ELMO1: variants seen among roughly 807,000 people sequenced by gnomAD.
ELMO1 encodes engulfment and cell motility 1.
A neutral mutation model predicts 98.9 loss-of-function variants in ELMO1; 26 were observed. That is an observed-to-expected ratio of 0.26 (90% confidence interval 0.19 to 0.36). The LOEUF is 0.36. Ranked by LOEUF, ELMO1 falls within the 10% of genes least tolerant of loss-of-function variation. The probability of loss-of-function intolerance (pLI) is 1.00; values close to 1 mark genes in which losing one functional copy is unlikely to be tolerated. For synonymous variants in ELMO1, 346 were observed against 346.0 expected (o/e 1.00, Z 0.00); for missense variants, 627 against 935.2 (o/e 0.67, Z 4.30).
At chr7:37,058,751 C>T (rs960294991) in intron 15 of ELMO1, among the ~76,000 whole-genome samples, 1 of 152,106 alleles carries the variant, frequency 6.6e-6, no homozygotes, top group African/African-American at 2.4e-5. Flanking sequence ...AACCAACTGG[C>T]CCTGATTCCA....
At chr7:36,935,073 C>T (rs6947081) in intron 16 of ELMO1, among the ~76,000 whole-genome samples, 62,071 of 152,072 alleles carry the variant, frequency 0.41, 12,934 homozygotes, top group Non-Finnish European at 0.44. Flanking sequence ...AACCCCATCT[C>T]GAATTGTAGC....
chr7:37,325,682 T>C (rs899508078), intron 2 of ELMO1, among the ~76,000 whole-genome samples: 8 of 152,224 alleles, frequency 5.3e-5, no homozygotes, highest in African/African-American at 1.9e-4. Context: ...AGCACAGCAC[T>C]TGGGATTTTA....
chr7:37,389,784 C>G (rs1583670983), intron 1 of ELMO1, among the ~76,000 whole-genome samples: 1 of 151,732 alleles, frequency 6.6e-6, no homozygotes, highest in Admixed American at 6.6e-5. Context: ...CCACCTCTAC[C>G]TAGGGGTATG....
intron 16 of ELMO1, chr7:36,919,264 A>G (rs1784950127): frequency 1.2e-5 from 5 of 424,304 alleles, no homozygotes; most frequent in Admixed American, 1.1e-4. Context: ...ATAATCGTTC[A>G]TGTCTATTAC....
chr7:37,044,771 A>G (rs988839226), intron 15 of ELMO1, among the ~76,000 whole-genome samples: 4 of 152,144 alleles, frequency 2.6e-5, no homozygotes, highest in African/African-American at 9.7e-5. Flanking sequence ...TCTCACAGAA[A>G]TCTCAAATGT....
At chr7:36,918,386 A>G (rs1225249077) in intron 16 of ELMO1, among the ~76,000 whole-genome samples, 1 of 152,176 alleles carries the variant, frequency 6.6e-6, no homozygotes, top group African/African-American at 2.4e-5. Flanking sequence ...CTTCTCTAAT[A>G]ATTTTATAAG....
intron 18 of ELMO1, among the ~76,000 whole-genome samples, chr7:36,881,856 C>T (rs1020974813): frequency 6.6e-6 from 1 of 152,094 alleles, no homozygotes; most frequent in African/African-American, 2.4e-5. Flanking sequence ...CTGTTTTATC[C>T]AATACTAAGA....
chr7:37,315,453 A>G (rs1013610468), intron 3 of ELMO1, among the ~76,000 whole-genome samples: 3 of 152,128 alleles, frequency 2.0e-5, no homozygotes, highest in African/African-American at 7.2e-5. Context: ...CCATATATAC[A>G]TTTCCTTTGT....
chr7:37,046,622 T>C (rs1375126650), intron 15 of ELMO1, among the ~76,000 whole-genome samples: 2 of 152,118 alleles, frequency 1.3e-5, no homozygotes, highest in African/African-American at 4.8e-5. Flanking sequence ...CAAAAAGAAA[T>C]CAAAGTATGA....
intron 13 of ELMO1, among the ~76,000 whole-genome samples, chr7:37,205,311 G>A (rs1238320612): frequency 2.0e-5 from 3 of 152,130 alleles, no homozygotes; most frequent in African/African-American, 4.8e-5. Flanking sequence ...TTGTTTCTGC[G>A]AGCCTCTGAC....
chr7:37,315,342 A>G (rs1218777030), intron 3 of ELMO1, among the ~76,000 whole-genome samples: 2 of 152,232 alleles, frequency 1.3e-5, no homozygotes, highest in African/African-American at 2.4e-5. Context: ...GTTGATGCAG[A>G]TTGAAACACT....
intron 16 of ELMO1, chr7:36,919,515 C>T (rs1784971160): frequency 2.4e-6 from 1 of 415,868 alleles, no homozygotes; most frequent in African/African-American, 2.0e-5. Context: ...GGCTAAGTCT[C>T]TTCATCTGTA....
At chr7:36,969,072 A>G (rs1789693716) in intron 16 of ELMO1, among the ~76,000 whole-genome samples, 1 of 152,112 alleles carries the variant, frequency 6.6e-6, no homozygotes. Flanking sequence ...CATTTTTGAA[A>G]AAGTTGCATG....
intron 15 of ELMO1, among the ~76,000 whole-genome samples, chr7:37,060,975 T>G (rs1484928718): frequency 6.6e-6 from 1 of 152,132 alleles, no homozygotes; most frequent in Non-Finnish European, 1.5e-5. Flanking sequence ...TCTGAATGAC[T>G]ATTTCTGTCA....
intron 16 of ELMO1, among the ~76,000 whole-genome samples, chr7:36,933,255 A>T (rs1786202802): frequency 6.6e-6 from 1 of 152,180 alleles, no homozygotes; most frequent in Non-Finnish European, 1.5e-5. Context: ...AATGTAGCTA[A>T]AACAATACAG....
chr7:37,325,030 A>G (rs1056967398), intron 2 of ELMO1, among the ~76,000 whole-genome samples: 4 of 152,212 alleles, frequency 2.6e-5, no homozygotes, highest in Non-Finnish European at 5.9e-5. Flanking sequence ...CACCTGGTAC[A>G]TAGTAGGGCA....
intron 8 of ELMO1, 117 bp downstream of exon 8, chr7:37,232,978 C>A: frequency 3.5e-6 from 3 of 864,510 alleles, no homozygotes; most frequent in Non-Finnish European, 5.2e-6. Flanking sequence ...AAAATCATAC[C>A]CATCTTTTAA....
At chr7:37,155,024 A>G (rs1788637072) in intron 13 of ELMO1, among the ~76,000 whole-genome samples, 1 of 152,198 alleles carries the variant, frequency 6.6e-6, no homozygotes, top group South Asian at 2.1e-4. Context: ...TTCTTAAAGA[A>G]TTTTCAACCC....
intron 13 of ELMO1, among the ~76,000 whole-genome samples, chr7:37,168,779 G>T (rs1789932392): frequency 1.3e-5 from 2 of 152,184 alleles, no homozygotes; most frequent in Admixed American, 1.3e-4. Context: ...GGCTGCTCAG[G>T]GTTCAGGGGT....
Sources: allele counts gnomAD v4.1 joint callset (sites outside exome capture counted in the v4.1 genomes callset), GRCh38; gene constraint gnomAD v4.1.1; transcripts MANE v1.5; gene names NCBI Gene and HGNC (gene_info 2026-07-23, HGNC 2026-07-21).